ANKFY1: variants seen among roughly 807,000 people sequenced by gnomAD.
ANKFY1 encodes the protein ankyrin repeat and FYVE domain containing 1.
ANKFY1 carries 47 observed loss-of-function variants against 128.3 expected under a neutral mutation model. The observed-to-expected ratio is 0.37, with a 90% confidence interval of 0.29 to 0.47. The LOEUF (loss-of-function observed/expected upper bound fraction) is 0.47, where lower values mean the gene tolerates loss of function less well. ANKFY1 is among the 20% of genes least tolerant of loss of function. The pLI, the probability that ANKFY1 is intolerant of heterozygous loss-of-function variation, is 1.00. For missense variants in ANKFY1, 1,222 were observed against 1,510.6 expected (o/e 0.81, Z 3.17); for synonymous variants, 553 against 601.6 (o/e 0.92, Z 1.18).
intron 5 of ANKFY1, among the ~76,000 whole-genome samples, chr17:4,208,340 G>A (rs141342413): frequency 4.8e-4 from 73 of 152,294 alleles, no homozygotes; most frequent in African/African-American, 1.8e-3. Flanking sequence ...GAACCAGAAG[G>A]CTGACGTTCC....
chr17:4,238,241 G>A (rs11078485), intron 2 of ANKFY1, among the ~76,000 whole-genome samples: 76,601 of 149,978 alleles, frequency 0.51, 21,378 homozygotes, highest in East Asian at 0.75. Flanking sequence ...CAGTCATTCC[G>A]GCTACTAAGA....
intron 19 of ANKFY1, among the ~76,000 whole-genome samples, chr17:4,174,656 T>C (rs1305686723): frequency 6.6e-6 from 1 of 152,104 alleles, no homozygotes; most frequent in Non-Finnish European, 1.5e-5. Flanking sequence ...AGAGAGACAC[T>C]ATCTGTTTCA....
At position 4,222,933 on chromosome 17, in the gene ANKFY1, C is replaced by A. The variant is rs867339573; in HGVS notation, c.323-5815G>T. ...CAGCTCCTCAGGTTATCCTACCTTG[C>A]GGATAGAGAAGAACGACTTGAGAAG... On this transcript the variant is annotated intron_variant, in intron 3 of 24. Transcript: ENST00000341657. 7.2e-6 allele frequency: 9 copies of A among 1,251,786 alleles called. No individual in the cohort carries two copies. In the Middle Eastern group the frequency reaches 9.5e-4, roughly 132 times the overall value. The allele number at this position is 1,251,786 out of a possible 1,614,324, so 77.5% of individuals were successfully genotyped here. A position where few individuals can be genotyped will look rare whatever the true frequency, so the allele number is the denominator to read the frequency against.
chr17:4,204,156 T>G (rs1290119320), intron 7 of ANKFY1, among the ~76,000 whole-genome samples: 1 of 152,184 alleles, frequency 6.6e-6, no homozygotes, highest in Non-Finnish European at 1.5e-5. Flanking sequence ...CTTTCACTCT[T>G]TAACAGTTAA....
At chr17:4,241,137 T>C (rs887783820) in intron 2 of ANKFY1, among the ~76,000 whole-genome samples, 5 of 152,228 alleles carry the variant, frequency 3.3e-5, no homozygotes, top group Non-Finnish European at 7.3e-5. Flanking sequence ...CATGCATCTA[T>C]TGATTTGATC....
intron 3 of ANKFY1, among the ~76,000 whole-genome samples, chr17:4,233,129 T>G (rs1160640514): frequency 6.6e-6 from 1 of 152,224 alleles, no homozygotes; most frequent in Admixed American, 6.5e-5. Context: ...TCACAGCTAC[T>G]AGGATCACCA....
intron 1 of ANKFY1, among the ~76,000 whole-genome samples, chr17:4,258,473 G>A (rs560912906): frequency 1.3e-5 from 2 of 149,788 alleles, no homozygotes; most frequent in Non-Finnish European, 1.5e-5. Flanking sequence ...GCAGTGAGCC[G>A]AGATCGCACC....
intron 16 of ANKFY1, 165 bp from the exon 17 acceptor site, chr17:4,180,042 C>T (rs1205908449): frequency 3.6e-6 from 3 of 835,560 alleles, no homozygotes; most frequent in African/African-American, 3.4e-5. Flanking sequence ...CGGGGTTCCA[C>T]TCCCATAGAT....
Position 4,195,031 on chromosome 17 carries a change from G to A in ANKFY1, c.1319C>T (p.Ala440Val). The change falls in exon 10 of 25, where the codon GCA becomes GTA. Residue 440 changes from alanine (A) to valine (V), a missense_variant. Coordinates refer to ENST00000341657, the MANE Select transcript of ANKFY1 (RefSeq NM_001330063.2). ...NGTSFDENSFAARLIQRGSHT... is the reference protein window; with the variant it reads ...NGTSFDENSFVARLIQRGSHT... ...GCTGCCGCGCTGGATGAGTCTGGCT[G>A]CAAAGCTGTTCTCATCAAATGAAGT... The A allele has an allele frequency of 6.2e-7, 1 of 1,614,204 alleles. No individual in the cohort carries two copies. The highest frequency in any genetic ancestry group is 8.5e-7 in the Non-Finnish European group (1 of 1,180,044).
intron 2 of ANKFY1, among the ~76,000 whole-genome samples, chr17:4,238,152 TAAAAAAAAAAAAA>T (rs55944256): frequency 1.1e-5 from 1 of 92,670 alleles, no homozygotes; most frequent in Non-Finnish European, 2.1e-5. Flanking sequence ...CTTATTTATT[TAAAAAAAAAAAAA>T]AAAAAAAAAA....
chr17:4,185,743 T>G (rs1187539437), intron 11 of ANKFY1, among the ~76,000 whole-genome samples: 1 of 152,156 alleles, frequency 6.6e-6, no homozygotes, highest in African/African-American at 2.4e-5. Flanking sequence ...TATAATTCTT[T>G]TTTTTCTAAT....
At chr17:4,230,879 A>T (rs1051983136) in intron 3 of ANKFY1, among the ~76,000 whole-genome samples, 4 of 152,220 alleles carry the variant, frequency 2.6e-5, no homozygotes, top group Admixed American at 2.6e-4. Flanking sequence ...CCCTATTATT[A>T]ATACAGCTTA....
intron 3 of ANKFY1, among the ~76,000 whole-genome samples, chr17:4,227,610 T>C (rs527591788): frequency 3.7e-4 from 56 of 152,324 alleles, no homozygotes; most frequent in African/African-American, 1.3e-3. Context: ...GAACAAAGGA[T>C]GCTTGCTTTC....
At chr17:4,217,171 C>A in intron 3 of ANKFY1, 53 bp from the exon 4 acceptor site, 1 of 1,588,186 alleles carries the variant, frequency 6.3e-7, no homozygotes. Flanking sequence ...CATGCTTAGA[C>A]TTTCTCAAGG....
intron 3 of ANKFY1, among the ~76,000 whole-genome samples, chr17:4,220,473 A>G (rs1023561125): frequency 7.9e-5 from 12 of 152,212 alleles, no homozygotes; most frequent in Admixed American, 7.9e-4. Context: ...CCTTCCCTAC[A>G]GTAGCAGTTT....
intron 1 of ANKFY1, among the ~76,000 whole-genome samples, chr17:4,249,568 T>G (rs2143472768): frequency 6.6e-6 from 1 of 152,320 alleles, no homozygotes; most frequent in South Asian, 2.1e-4. Context: ...ATTAGAACGT[T>G]AAAATGACAG....
In ANKFY1 at chr17:4,209,401, C is replaced by T. The variant is rs543387476; in HGVS notation, c.582+423G>A. Among the ~76,000 whole-genome samples, 263 of 152,270 alleles carry T rather than the reference C, an allele frequency of 1.7e-3. 1 individual carries two copies. The highest frequency in any genetic ancestry group is 6.1e-3 in the African/African-American group (253 of 41,560). ...CCGCAACCTCCGCCTCCCGGGTTTA[C>T]GTGATTCTCCTGCCACAGTCTCCTG... On this transcript the variant is annotated intron_variant, in intron 5 of 24. Transcript: ENST00000341657.
At chr17:4,172,112 G>C (rs1432229176) in intron 22 of ANKFY1, among the ~76,000 whole-genome samples, 1 of 152,168 alleles carries the variant, frequency 6.6e-6, no homozygotes, top group African/African-American at 2.4e-5. Flanking sequence ...GAGGCCTGTA[G>C]CCCTCTGCAT....
intron 5 of ANKFY1, among the ~76,000 whole-genome samples, chr17:4,209,490 G>A (rs1656424622): frequency 6.6e-6 from 1 of 152,126 alleles, no homozygotes; most frequent in African/African-American, 2.4e-5. Flanking sequence ...TAGTAGAGAT[G>A]GGGTTTCACC....
Sources: gnomAD v4.1 joint callset for allele counts (sites outside exome capture counted in the v4.1 genomes callset) on GRCh38, gnomAD v4.1.1 for gene constraint, MANE v1.5 for transcripts, NCBI Gene and HGNC (gene_info 2026-07-23, HGNC 2026-07-21) for gene names.